Variants in DMRT1 observed in about 807,000 individuals in gnomAD.
The protein encoded by DMRT1 is doublesex- and mab-3-related transcription factor 1.
DMRT1 carries 7 observed loss-of-function variants against 32.3 expected under a neutral mutation model. That is an observed-to-expected ratio of 0.22 (90% CI 0.12 to 0.41). The LOEUF is 0.41. Ranked by LOEUF, DMRT1 falls within the 10% of genes least tolerant of loss-of-function variation. The probability of loss-of-function intolerance (pLI) is 1.00; values close to 1 mark genes in which losing one functional copy is unlikely to be tolerated. For synonymous variants in DMRT1, 278 were observed against 206.1 expected (o/e 1.35, Z -2.99); for missense variants, 625 against 500.5 (o/e 1.25, Z -2.37).
chr9:925,436 G>A (rs990553500), intron 4 of DMRT1, among the ~76,000 whole-genome samples: 1 of 152,084 alleles, frequency 6.6e-6, no homozygotes, highest in African/African-American at 2.4e-5. Context: ...TGTGTGACTG[G>A]TATTTTGATT....
At chr9:909,680 C>CTGTA (rs1817903175) in intron 3 of DMRT1, among the ~76,000 whole-genome samples, 1 of 151,420 alleles carries the variant, frequency 6.6e-6, no homozygotes, top group South Asian at 2.1e-4. Flanking sequence ...ATTTAAAAGA[C>CTGTA]TGTAAGCCAC....
chr9:845,045 C>T lies in DMRT1; in HGVS notation c.355-1915C>T, dbSNP rs148781241. ...CCTGTAGTTGTGTTTTTTAATTGAA[C>T]GTTTTGATTTCACCTTTGGCTTATA... On this transcript the variant is annotated intron_variant, in intron 1 of 4. Transcript: ENST00000382276. Among the ~76,000 whole-genome samples, 507 of 152,016 alleles carry T rather than the reference C, an allele frequency of 3.3e-3. 2 individuals carry two copies. Among genetic ancestry groups the T allele is most frequent in the African/African-American group, 0.012 (479 of 41,478 alleles).
intron 4 of DMRT1, among the ~76,000 whole-genome samples, chr9:929,644 T>C (rs10759051): frequency 0.7 from 105,786 of 151,858 alleles, 37,656 homozygotes; most frequent in South Asian, 0.9. Flanking sequence ...TAAATGAAAG[T>C]TAATCCACTG....
intron 1 of DMRT1, among the ~76,000 whole-genome samples, chr9:843,930 G>C (rs759221474): frequency 3.3e-5 from 5 of 152,164 alleles, no homozygotes; most frequent in African/African-American, 4.8e-5. Flanking sequence ...TTAATCTGTA[G>C]TGGGTGAAAA....
intron 2 of DMRT1, among the ~76,000 whole-genome samples, chr9:889,429 CTATT>C (rs1370683990): frequency 1.3e-5 from 2 of 152,194 alleles, no homozygotes; most frequent in African/African-American, 4.8e-5. Context: ...TACATATCTC[CTATT>C]TATTCTTAAA....
intron 4 of DMRT1, among the ~76,000 whole-genome samples, chr9:960,135 C>A (rs931987663): frequency 6.6e-6 from 1 of 152,154 alleles, no homozygotes; most frequent in Non-Finnish European, 1.5e-5. Context: ...TGCCTGTTGG[C>A]CCAGCCTCAG....
intron 2 of DMRT1, among the ~76,000 whole-genome samples, chr9:890,080 A>G (rs1356233976): frequency 7.0e-6 from 1 of 143,182 alleles, no homozygotes. Flanking sequence ...AACGCCACCA[A>G]ACGTGTTTTT....
intron 2 of DMRT1, among the ~76,000 whole-genome samples, chr9:873,871 A>G (rs904918701): frequency 1.3e-5 from 2 of 152,206 alleles, no homozygotes; most frequent in Non-Finnish European, 2.9e-5. Context: ...AAAGAAAAGA[A>G]GAGAAAAAGT....
At chr9:926,017 CA>C (rs965762322) in intron 4 of DMRT1, among the ~76,000 whole-genome samples, 50 of 152,264 alleles carry the variant, frequency 3.3e-4, no homozygotes, top group African/African-American at 1.2e-3. Flanking sequence ...GGCATGGATG[CA>C]GTTTGTTTGG....
chr9:884,407 T>C (rs573349557), intron 2 of DMRT1, among the ~76,000 whole-genome samples: 74 of 149,602 alleles, frequency 4.9e-4, no homozygotes, highest in African/African-American at 1.8e-3. Flanking sequence ...TGTGAAGCCC[T>C]ATCAAAGAAC....
Position 894,325 on chromosome 9 carries a change from G to A in DMRT1, c.822+130G>A, listed in dbSNP as rs183644806. On this transcript the variant is annotated intron_variant, in intron 3 of 4. Transcript: ENST00000382276. ...GAGGCACACACAGGTGACACACACA[G>A]GTACACACACATATGTGTGTGTGCC... is the stretch of plus-strand genomic sequence containing the variant. 4.1e-4 allele frequency: 398 copies of A among 962,026 alleles called. 2 individuals carry two copies. In the African/African-American group the frequency reaches 5.9e-3, roughly 14 times the overall value. The allele number at this position is 962,026 out of a possible 1,614,324, so 59.6% of individuals were successfully genotyped here. A position where few individuals can be genotyped will look rare whatever the true frequency, so the allele number is the denominator to read the frequency against.
chr9:886,557 A>C (rs1586567424), intron 2 of DMRT1, among the ~76,000 whole-genome samples: 1 of 151,830 alleles, frequency 6.6e-6, no homozygotes, highest in East Asian at 1.9e-4. Flanking sequence ...TGTACGGCCA[A>C]ACTGTCACTT....
rs73639462 is a variant in DMRT1, at chr9:883,216, A to C, written c.539-10696A>C. On this transcript the variant is annotated intron_variant, in intron 2 of 4. Coordinates refer to ENST00000382276, the MANE Select transcript of DMRT1 (RefSeq NM_021951.3). The stretch of plus-strand genomic sequence containing the variant: ...TTCAGGTTCACTTTGCTATGAAAAG[A>C]GTTCACACCAAGAAAAAAAAAAGGA... 4.1e-4 allele frequency among the ~76,000 whole-genome samples: 62 copies of C among 151,950 alleles called. 1 individual carries two copies. Among genetic ancestry groups the C allele is most frequent in the Admixed American group, 2.6e-3 (39 of 15,258 alleles).
At chr9:961,135 C>T (rs1034052817) in intron 4 of DMRT1, among the ~76,000 whole-genome samples, 9 of 152,144 alleles carry the variant, frequency 5.9e-5, no homozygotes, top group Non-Finnish European at 1.0e-4. Context: ...AGCCCACCTC[C>T]GGAGCCCACA....
intron 1 of DMRT1, among the ~76,000 whole-genome samples, chr9:844,719 C>T (rs10976988): frequency 0.37 from 43,475 of 117,212 alleles, 8,764 homozygotes; most frequent in Non-Finnish European, 0.45. Flanking sequence ...TTCTTTCTTT[C>T]TTTTTTTTTT....
intron 2 of DMRT1, among the ~76,000 whole-genome samples, chr9:858,150 G>C (rs985069134): frequency 5.3e-5 from 8 of 152,082 alleles, no homozygotes; most frequent in African/African-American, 1.9e-4. Flanking sequence ...CACTCTTCTG[G>C]GGAGTGAAAG....
chr9:904,724 C>T (rs188580331), intron 3 of DMRT1, among the ~76,000 whole-genome samples: 87 of 152,264 alleles, frequency 5.7e-4, no homozygotes, highest in African/African-American at 2.0e-3. Flanking sequence ...GCAGGTGGAT[C>T]ACCTGAGGTC....
At chr9:867,607 A>G (rs527945491) in intron 2 of DMRT1, among the ~76,000 whole-genome samples, 1 of 152,208 alleles carries the variant, frequency 6.6e-6, no homozygotes, top group Non-Finnish European at 1.5e-5. Context: ...GAGGTTTAGT[A>G]ACTTCCACAA....
At chr9:914,418 C>T (rs1190092865) in intron 3 of DMRT1, among the ~76,000 whole-genome samples, 1 of 151,444 alleles carries the variant, frequency 6.6e-6, no homozygotes, top group Non-Finnish European at 1.5e-5. Flanking sequence ...TCTAAAAATG[C>T]AAAAAATTAG....
Sources: gnomAD v4.1 joint callset for allele counts (sites outside exome capture counted in the v4.1 genomes callset) on GRCh38, gnomAD v4.1.1 for gene constraint, MANE v1.5 for transcripts, NCBI Gene and HGNC (gene_info 2026-07-23, HGNC 2026-07-21) for gene names.